TPST2: variants seen among roughly 807,000 people sequenced by gnomAD.
TPST2 encodes the protein protein-tyrosine sulfotransferase 2.
In TPST2, 16 loss-of-function variants were observed where a neutral mutation model predicts 27.8. That is an observed-to-expected ratio of 0.58 (90% confidence interval 0.39 to 0.88). The LOEUF is 0.88. Ranked by LOEUF, TPST2 falls within the 40% of genes least tolerant of loss-of-function variation. TPST2 has a pLI of 0.00. For missense variants in TPST2, 464 were observed against 543.1 expected (o/e 0.85, Z 1.45); for synonymous variants, 229 against 231.7 (o/e 0.99, Z 0.10).
chr22:26,527,054 G>A (rs1373229384), intron 6 of TPST2, among the ~76,000 whole-genome samples: 1 of 152,196 alleles, frequency 6.6e-6, no homozygotes, highest in African/African-American at 2.4e-5. Flanking sequence ...ACTCCAGCCT[G>A]GGGAACAGGG....
intron 1 of TPST2, among the ~76,000 whole-genome samples, chr22:26,548,011 C>G (rs1021263309): frequency 6.6e-6 from 1 of 152,148 alleles, no homozygotes. Flanking sequence ...TCTGCTGCAC[C>G]AGCTACTGGC....
intron 1 of TPST2, among the ~76,000 whole-genome samples, chr22:26,563,609 G>A (rs1033278099): frequency 7.9e-5 from 12 of 151,362 alleles, no homozygotes; most frequent in African/African-American, 1.7e-4. Flanking sequence ...GATTACAGGC[G>A]TGAGCCACCA....
At chr22:26,576,912 C>T (rs1386025190) in intron 1 of TPST2, among the ~76,000 whole-genome samples, 1 of 151,586 alleles carries the variant, frequency 6.6e-6, no homozygotes, top group African/African-American at 2.4e-5. Flanking sequence ...CTGGCTAACA[C>T]AGTGAAACCC....
rs1924798632 is a variant in TPST2, at chr22:26,525,809, TC to T, written c.*465del. The T allele has an allele frequency of 6.6e-6, 1 of 152,572 alleles. No homozygotes were observed. The highest frequency in any genetic ancestry group is 2.1e-4 in the South Asian group (1 of 4,828). 9.5% of individuals were successfully genotyped at this position (152,572 alleles called of 1,614,324 possible). Reference sequence around the variant, plus strand: ...TCACTTTATTCAAAGAGTATTTTTTTCCTCTGTGAAACTAGGTAGAACTGAG... The same window carrying T: ...TCACTTTATTCAAAGAGTATTTTTTTCTCTGTGAAACTAGGTAGAACTGAG... On this transcript the variant is annotated 3_prime_UTR_variant, in exon 7 of 7. Transcript: ENST00000338754.
At position 26,526,736 on chromosome 22, in the gene TPST2, G is replaced by C. The variant is rs143373491; in HGVS notation, c.*8-469C>G. ...GCGAGGGAACAGTTAGTGAGGAACA[G>C]GGAGGAAAGCTGTTTTTCATGAGAG... On this transcript the variant is annotated intron_variant, in intron 6 of 6. Coordinates refer to ENST00000338754, the MANE Select transcript of TPST2 (RefSeq NM_003595.5). Among the ~76,000 whole-genome samples, 763 of 152,294 alleles carry C rather than the reference G, an allele frequency of 5.0e-3. 9 individuals are homozygous for C. Among genetic ancestry groups the C allele is most frequent in the Admixed American group, 0.031 (477 of 15,288 alleles).
At chr22:26,559,382 T>C (rs1405784427) in intron 1 of TPST2, among the ~76,000 whole-genome samples, 3 of 152,184 alleles carry the variant, frequency 2.0e-5, no homozygotes, top group Non-Finnish European at 2.9e-5. Context: ...AATAAAAAAA[T>C]AAAGTGTACA....
chr22:26,589,665 G>A (rs1451046951), intron 1 of TPST2, among the ~76,000 whole-genome samples: 1 of 152,134 alleles, frequency 6.6e-6, no homozygotes, highest in Non-Finnish European at 1.5e-5. Flanking sequence ...CCCGCCTGGG[G>A]GTCCCCGCGC....
chr22:26,564,355 A>C (rs1438263164), intron 1 of TPST2, among the ~76,000 whole-genome samples: 1 of 152,234 alleles, frequency 6.6e-6, no homozygotes, highest in Non-Finnish European at 1.5e-5. Context: ...TGGGCTGGAC[A>C]TCTGTGAGCG....
intron 1 of TPST2, among the ~76,000 whole-genome samples, chr22:26,572,694 A>T (rs1418612062): frequency 6.6e-6 from 1 of 152,036 alleles, no homozygotes; most frequent in Admixed American, 6.6e-5. Context: ...ACCATTCTGT[A>T]TGGTAAATGC....
intron 1 of TPST2, among the ~76,000 whole-genome samples, chr22:26,566,759 G>C (rs1256271615): frequency 6.7e-6 from 1 of 150,180 alleles, no homozygotes; most frequent in African/African-American, 2.5e-5. Context: ...CTCAAAGTCA[G>C]TAAATAAACA....
chr22:26,545,699 T>C (rs1454311401), intron 1 of TPST2, among the ~76,000 whole-genome samples: 1 of 152,116 alleles, frequency 6.6e-6, no homozygotes, highest in Non-Finnish European at 1.5e-5. Context: ...ACTCCTTGAG[T>C]ATACATATCA....
At chr22:26,528,154 A>G in intron 6 of TPST2, 60 bp downstream of exon 6, 1 of 1,548,588 alleles carries the variant, frequency 6.5e-7, no homozygotes, top group Non-Finnish European at 8.7e-7. Flanking sequence ...GCTTTTCAGA[A>G]AAGTGGCTCC....
intron 1 of TPST2, among the ~76,000 whole-genome samples, chr22:26,570,027 GAAAGAAAGAAAGAAA>G (rs1927559085): frequency 6.7e-5 from 8 of 119,532 alleles, no homozygotes; most frequent in Non-Finnish European, 1.2e-4. Context: ...AAGAAAGAAA[GAAAGAAAGAAAGAAA>G]GACAGAAAGA....
chr22:26,547,214 T>C (rs1926175148), intron 1 of TPST2, among the ~76,000 whole-genome samples: 1 of 152,116 alleles, frequency 6.6e-6, no homozygotes, highest in Non-Finnish European at 1.5e-5. Context: ...TCCTCCCATC[T>C]CAGCCTCCCA....
chr22:26,584,092 C>T (rs992293974), intron 1 of TPST2, among the ~76,000 whole-genome samples: 24 of 152,308 alleles, frequency 1.6e-4, no homozygotes, highest in African/African-American at 5.3e-4. Context: ...AATGTTGACT[C>T]AATTTTAAAA....
At chr22:26,579,868 A>C (rs1928023566) in intron 1 of TPST2, among the ~76,000 whole-genome samples, 1 of 145,552 alleles carries the variant, frequency 6.9e-6, no homozygotes, top group South Asian at 2.4e-4. Context: ...GATGGGAGTA[A>C]GACAGAAAGA....
intron 1 of TPST2, among the ~76,000 whole-genome samples, chr22:26,579,070 T>A (rs1001954671): frequency 2.0e-5 from 3 of 152,168 alleles, no homozygotes; most frequent in Non-Finnish European, 2.9e-5. Context: ...CAGGCTGGTC[T>A]TGAACCCCTG....
intron 1 of TPST2, among the ~76,000 whole-genome samples, chr22:26,582,144 T>C (rs921423695): frequency 6.6e-6 from 1 of 152,138 alleles, no homozygotes; most frequent in African/African-American, 2.4e-5. Flanking sequence ...ATGTGCACTT[T>C]AGCCGGGCGC....
At position 26,536,531 on chromosome 22, in the gene TPST2, G is replaced by A. The variant is rs374993993; in HGVS notation, c.843-45C>T. The A allele has an allele frequency of 1.5e-4, 215 of 1,439,734 alleles. 1 individual carries two copies. Among genetic ancestry groups the A allele is most frequent in the Non-Finnish European group, 1.8e-4 (192 of 1,091,980 alleles). 89.2% of individuals were successfully genotyped at this position (1,439,734 alleles called of 1,614,324 possible). A position where few individuals can be genotyped will look rare whatever the true frequency, so the allele number is the denominator to read the frequency against. ...TGGAGAGGGTAGGGCAGACCCAGAT[G>A]GCGCCTGAGCGGATTCCCTGCTCAG... On this transcript the variant is annotated intron_variant, in intron 3 of 6. Coordinates refer to ENST00000338754, the MANE Select transcript of TPST2 (RefSeq NM_003595.5).
Sources: gnomAD v4.1 joint callset for allele counts (sites outside exome capture counted in the v4.1 genomes callset) on GRCh38, gnomAD v4.1.1 for gene constraint, MANE v1.5 for transcripts, NCBI Gene and HGNC (gene_info 2026-07-23, HGNC 2026-07-21) for gene names.